The following MMRN1 variants were observed in gnomAD, a reference collection of about 807,000 sequenced individuals.
MMRN1 encodes multimerin-1.
A neutral mutation model predicts 100.7 loss-of-function variants in MMRN1; 94 were observed. That is an observed-to-expected ratio of 0.93 (90% CI 0.79 to 1.11). MMRN1 has a LOEUF of 1.11. MMRN1 is among the 50% of genes least tolerant of loss of function. The probability of loss-of-function intolerance (pLI) is 0.00; values close to 1 mark genes in which losing one functional copy is unlikely to be tolerated. For synonymous variants in MMRN1, 575 were observed against 505.0 expected (o/e 1.14, Z -1.86); for missense variants, 1,606 against 1,439.1 (o/e 1.12, Z -1.88).
chr4:89,880,089 T>C (rs1005501241), intron 1 of MMRN1, among the ~76,000 whole-genome samples: 8 of 152,210 alleles, frequency 5.3e-5, no homozygotes, highest in Non-Finnish European at 1.2e-4. Context: ...AGTCAAACTC[T>C]GGTTTAGCTG....
rs963947250 is a variant in MMRN1, at chr4:89,953,915, C to G, written c.*497C>G. The G allele has an allele frequency of 6.6e-6, 1 of 151,844 alleles. No homozygotes were observed. The highest frequency in any genetic ancestry group is 1.5e-5 in the Non-Finnish European group (1 of 67,968). 9.4% of individuals were successfully genotyped at this position (151,844 alleles called of 1,614,324 possible). ...CTTTACGTTGAGTTGATCAATTTTC[C>G]ATACTAAGATTTTCATTCAGAATCA... On this transcript the variant is annotated 3_prime_UTR_variant, in exon 8 of 8. Coordinates refer to ENST00000264790, the MANE Select transcript of MMRN1 (RefSeq NM_007351.3).
At chr4:89,924,935 CA>C (rs1560589991) in intron 4 of MMRN1, among the ~76,000 whole-genome samples, 4 of 152,066 alleles carry the variant, frequency 2.6e-5, no homozygotes, top group Admixed American at 1.3e-4. Flanking sequence ...TGTTTTGATA[CA>C]GGTACACAAT....
At chr4:89,891,515 GAATA>G (rs1334027745), upstream of MMRN1, among the ~76,000 whole-genome samples, 2 of 152,022 alleles carry the variant, frequency 1.3e-5, no homozygotes, top group African/African-American at 2.4e-5. Flanking sequence ...AACAAGAATA[GAATA>G]CTTACCTAAC....
At chr4:89,931,337 T>C (rs768417433) in intron 5 of MMRN1, among the ~76,000 whole-genome samples, 3 of 152,178 alleles carry the variant, frequency 2.0e-5, no homozygotes, top group Non-Finnish European at 4.4e-5. Context: ...AAGTCCCTCA[T>C]GTATGTTAAA....
At chr4:89,941,788 C>T (rs908101396) in intron 6 of MMRN1, among the ~76,000 whole-genome samples, 2 of 152,130 alleles carry the variant, frequency 1.3e-5, no homozygotes, top group African/African-American at 4.8e-5. Flanking sequence ...TAAAGATATT[C>T]TTCATGTCAG....
chr4:89,893,987 T>C (rs1395303861), upstream of MMRN1, among the ~76,000 whole-genome samples: 3 of 152,124 alleles, frequency 2.0e-5, no homozygotes, highest in Admixed American at 2.0e-4. Flanking sequence ...ATAAATCTGG[T>C]TCTCTGCTAC....
intron 4 of MMRN1, 75 bp from the exon 5 acceptor site, chr4:89,927,720 T>C: frequency 7.4e-7 from 1 of 1,347,206 alleles, no homozygotes; most frequent in Non-Finnish European, 1.0e-6. Flanking sequence ...TTTTAGTTTT[T>C]CTCCATTCAG....
chr4:89,918,795 A>T (rs186751890), intron 3 of MMRN1, among the ~76,000 whole-genome samples: 2 of 151,982 alleles, frequency 1.3e-5, no homozygotes, highest in Admixed American at 1.3e-4. Context: ...TATGTAAAAA[A>T]TTAAATTTTC....
In MMRN1 at chr4:89,909,308, CT is replaced by C. The variant is rs1721667347; in HGVS notation, c.657del (p.Thr221GlnfsTer2). ...NWCAYVHTRL[S>X]PTVILDNQVT... ...TGTGCTTATGTACATACCAGGTTAT[CT>C]CCCACAGTGATATTGGACAACCAGG... On this transcript the variant is annotated frameshift_variant, in exon 2 of 8. Coordinates refer to ENST00000264790, the MANE Select transcript of MMRN1 (RefSeq NM_007351.3). LOFTEE classifies it high-confidence loss of function. 6.2e-7 allele frequency: 1 copy of C among 1,609,644 alleles called. No individual in the cohort carries two copies. Among genetic ancestry groups the C allele is most frequent in the Non-Finnish European group, 8.5e-7 (1 of 1,177,260 alleles).
chr4:89,948,739 G>C (rs552295026), intron 6 of MMRN1, among the ~76,000 whole-genome samples: 3 of 152,260 alleles, frequency 2.0e-5, no homozygotes, highest in Admixed American at 6.5e-5. Context: ...TTTTGGCAGA[G>C]ACTTGGAAAG....
At chr4:89,951,489 C>A in intron 6 of MMRN1, 116 bp from the exon 7 acceptor site, 1 of 1,111,586 alleles carries the variant, frequency 9.0e-7, no homozygotes, top group Non-Finnish European at 1.2e-6. Flanking sequence ...CCGTGGAGCC[C>A]ATTTTTCTTA....
chr4:89,883,586 G>A (rs1009736522), intron 1 of MMRN1, among the ~76,000 whole-genome samples: 2 of 151,798 alleles, frequency 1.3e-5, no homozygotes, highest in Non-Finnish European at 2.9e-5. Flanking sequence ...TTTATTAATT[G>A]GATTGCTTGT....
rs764060846 is a variant in MMRN1 at position 89,895,089 on chromosome 4, C to G, written c.118C>G (p.Pro40Ala). 1.2e-6 allele frequency: 2 copies of G among 1,613,856 alleles called. No homozygotes were observed. The highest frequency in any genetic ancestry group is 1.1e-5 in the South Asian group (1 of 91,082). The part of the protein sequence containing the change: ...PEDGNSQKTM[P>A]SASVPPNKIQ... ...GGATGGGAACTCTCAGAAGACTATGCCTTCTGCTTCAGTTCCTCCAAATAA... is the reference window on the plus strand; with the variant it reads ...GGATGGGAACTCTCAGAAGACTATGGCTTCTGCTTCAGTTCCTCCAAATAA... Residue 40 changes from proline (P) to alanine (A), a missense_variant, in exon 1 of 8, where the codon CCT becomes GCT. By Grantham distance (27) the Pro-to-Ala change is conservative. Coordinates refer to ENST00000264790, the MANE Select transcript of MMRN1 (RefSeq NM_007351.3).
intron 7 of MMRN1, among the ~76,000 whole-genome samples, chr4:89,952,246 A>C (rs1346875831): frequency 6.6e-6 from 1 of 152,328 alleles, no homozygotes; most frequent in East Asian, 1.9e-4. Context: ...CAAATGTATT[A>C]AGTAAAACAA....
intron 6 of MMRN1, among the ~76,000 whole-genome samples, chr4:89,937,443 A>G (rs947863045): frequency 6.6e-6 from 1 of 152,108 alleles, no homozygotes; most frequent in Non-Finnish European, 1.5e-5. Context: ...CAAGAGCCAT[A>G]GAGGAAGCTC....
At chr4:89,905,689 G>A (rs180991810) in intron 1 of MMRN1, among the ~76,000 whole-genome samples, 83 of 151,356 alleles carry the variant, frequency 5.5e-4, no homozygotes, top group Non-Finnish European at 8.6e-4. Flanking sequence ...AAATCTCTAC[G>A]TTAAAGGGCA....
chr4:89,937,268 G>A (rs1722677199), intron 6 of MMRN1, among the ~76,000 whole-genome samples: 2 of 152,028 alleles, frequency 1.3e-5, no homozygotes, highest in African/African-American at 4.8e-5. Flanking sequence ...GGCCATCAAT[G>A]CCAAGCTAAG....
At position 89,936,456 on chromosome 4, in the gene MMRN1, G is replaced by A. The variant is rs762148913; in HGVS notation, c.2776G>A (p.Glu926Lys). 4 of 1,612,478 alleles carry A rather than the reference G, an allele frequency of 2.5e-6. No individual in the cohort carries two copies. Among genetic ancestry groups the A allele is most frequent in the African/African-American group, 1.3e-5 (1 of 74,850 alleles). Reference sequence around the variant, plus strand: ...CTTTTCGCTTAACAAAACTCTCCACGAAGTTTTAACAATGTGTCACAATGC... The same window carrying A: ...CTTTTCGCTTAACAAAACTCTCCACAAAGTTTTAACAATGTGTCACAATGC... ...NFFSLNKTLH[E>K]VLTMCHNAST... Residue 926 changes from glutamate to lysine, a missense_variant, in exon 6 of 8, where the codon GAA becomes AAA. Coordinates refer to ENST00000264790, the MANE Select transcript of MMRN1 (RefSeq NM_007351.3).
At position 89,895,424 on chromosome 4, in the gene MMRN1, A is replaced by C; in HGVS notation, c.453A>C (p.Glu151Asp). The C allele has an allele frequency of 6.2e-7, 1 of 1,613,926 alleles. No homozygotes were observed. The highest frequency in any genetic ancestry group is 8.5e-7 in the Non-Finnish European group (1 of 1,179,928). ...AGAGCTTTGCCAGAAAGTCAAATGA[A>C]CAAGCAACTTCTCTAAACACAGTTG... Reference protein sequence around the residue: ...FLQSFARKSNEQATSLNTVGG... With the variant: ...FLQSFARKSNDQATSLNTVGG... Residue 151 changes from glutamate to aspartate, a missense_variant, in exon 1 of 8, where the codon GAA (glutamate) becomes GAC (aspartate). Glu to Asp is a conservative substitution (Grantham distance 45, BLOSUM62 2). Coordinates refer to ENST00000264790, the MANE Select transcript of MMRN1 (RefSeq NM_007351.3).
Sources: allele counts gnomAD v4.1 joint callset (sites outside exome capture counted in the v4.1 genomes callset), GRCh38; gene constraint gnomAD v4.1.1; transcripts MANE v1.5; gene names NCBI Gene and HGNC (gene_info 2026-07-23, HGNC 2026-07-21).